PDGFD: variants seen among roughly 807,000 people sequenced by gnomAD.
PDGFD encodes platelet-derived growth factor D.
A neutral mutation model predicts 44.7 loss-of-function variants in PDGFD; 30 were observed. That is an observed-to-expected ratio of 0.67 (90% CI 0.50 to 0.91). The LOEUF is 0.91. Among genes scored for constraint, PDGFD ranks in the 40% least tolerant of loss-of-function variants. The pLI is 0.00. For missense variants in PDGFD, 445 were observed against 457.8 expected (o/e 0.97, Z 0.25); for synonymous variants, 173 against 168.4 (o/e 1.03, Z -0.21).
intron 1 of PDGFD, among the ~76,000 whole-genome samples, chr11:104,010,443 T>C (rs562079928): frequency 6.6e-5 from 10 of 152,278 alleles, no homozygotes; most frequent in African/African-American, 2.4e-4. Flanking sequence ...ATTATATTCA[T>C]AATTATTATT....
At chr11:104,066,090 T>C (rs1860787074) in intron 1 of PDGFD, among the ~76,000 whole-genome samples, 1 of 152,152 alleles carries the variant, frequency 6.6e-6, no homozygotes, top group Non-Finnish European at 1.5e-5. Flanking sequence ...TGTTTATTGT[T>C]GAAACATAAA....
chr11:103,928,792 T>C (rs989619547), intron 5 of PDGFD, among the ~76,000 whole-genome samples: 1 of 152,134 alleles, frequency 6.6e-6, no homozygotes, highest in Non-Finnish European at 1.5e-5. Context: ...AAGGAACCAT[T>C]TTATTGCTGC....
chr11:103,952,190 C>G (rs550283148), intron 3 of PDGFD, among the ~76,000 whole-genome samples: 1 of 152,118 alleles, frequency 6.6e-6, no homozygotes, highest in Non-Finnish European at 1.5e-5. Flanking sequence ...TGTGGGTGCT[C>G]TCAGCAGAAC....
intron 1 of PDGFD, among the ~76,000 whole-genome samples, chr11:104,153,947 G>T (rs1046126332): frequency 1.3e-5 from 2 of 152,064 alleles, no homozygotes; most frequent in African/African-American, 4.8e-5. Context: ...AGTATTTATA[G>T]GGCAGACAGG....
At chr11:103,982,866 G>A (rs115979304) in intron 3 of PDGFD, among the ~76,000 whole-genome samples, 1 of 151,286 alleles carries the variant, frequency 6.6e-6, no homozygotes, top group Admixed American at 6.6e-5. Context: ...AAGTGGGAAG[G>A]TGAAAGATCC....
At chr11:103,935,806 C>T (rs1462368536) in intron 5 of PDGFD, among the ~76,000 whole-genome samples, 1 of 152,080 alleles carries the variant, frequency 6.6e-6, no homozygotes, top group Non-Finnish European at 1.5e-5. Flanking sequence ...AATCCTAACA[C>T]AAATTTGCAA....
At chr11:103,969,474 G>GTTTTTTTT (rs66571550) in intron 3 of PDGFD, among the ~76,000 whole-genome samples, 6 of 89,806 alleles carry the variant, frequency 6.7e-5, no homozygotes, top group Non-Finnish European at 1.0e-4. Flanking sequence ...ACCAAGCCTG[G>GTTTTTTTT]TTTTTTTTTT....
chr11:103,970,556 A>C (rs769954096), intron 3 of PDGFD, among the ~76,000 whole-genome samples: 17 of 152,234 alleles, frequency 1.1e-4, no homozygotes, highest in Middle Eastern at 3.4e-3. Flanking sequence ...GATGTTGACA[A>C]ACTTGAGGGA....
chr11:104,128,351 T>G (rs941369786), intron 1 of PDGFD, among the ~76,000 whole-genome samples: 1 of 152,128 alleles, frequency 6.6e-6, no homozygotes. Flanking sequence ...ACTTTGAAAT[T>G]TGTGCCCAAA....
intron 1 of PDGFD, among the ~76,000 whole-genome samples, chr11:104,155,552 C>A (rs12292834): frequency 4.4e-4 from 67 of 152,304 alleles, no homozygotes; most frequent in African/African-American, 1.6e-3. Context: ...CCCTACTCCT[C>A]TTCTGCTGTG....
intron 5 of PDGFD, among the ~76,000 whole-genome samples, chr11:103,940,788 C>A (rs138744283): frequency 6.6e-6 from 1 of 152,026 alleles, no homozygotes; most frequent in Non-Finnish European, 1.5e-5. Flanking sequence ...TACAAAAATG[C>A]CTTAGGGCCA....
chr11:104,118,920 AATATATTATTATAAT>A (rs1420606162), intron 1 of PDGFD, among the ~76,000 whole-genome samples: 1 of 89,090 alleles, frequency 1.1e-5, no homozygotes, highest in Admixed American at 1.8e-4. Flanking sequence ...TTATATACAT[AATATATTATTATAAT>A]ATATATTATA....
At chr11:103,981,978 C>A (rs1859279002) in intron 3 of PDGFD, among the ~76,000 whole-genome samples, 1 of 151,776 alleles carries the variant, frequency 6.6e-6, no homozygotes, top group African/African-American at 2.4e-5. Context: ...TAAAATGTTG[C>A]AGAGACTGAC....
chr11:104,140,796 CCACA>C (rs112491366), intron 1 of PDGFD, among the ~76,000 whole-genome samples: 19,763 of 152,124 alleles, frequency 0.13, 1,408 homozygotes, highest in East Asian at 0.29. Flanking sequence ...TCCTAGTTAT[CCACA>C]CATTTAGACT....
At chr11:104,103,138 G>A (rs1416272694) in intron 1 of PDGFD, among the ~76,000 whole-genome samples, 4 of 151,996 alleles carry the variant, frequency 2.6e-5, no homozygotes, top group Non-Finnish European at 4.4e-5. Flanking sequence ...CCATTTCTGT[G>A]ACTTAGTTTT....
In PDGFD at chr11:104,099,815, A is replaced by G. The variant is rs1026173084; in HGVS notation, c.124+63989T>C. On this transcript the variant is annotated intron_variant, in intron 1 of 6. Transcript: ENST00000393158. ...AAAAAATGAAACTATTTGCAATTCT[A>G]GTATTTAATATTTATCCAATTGCTA... Among the ~76,000 whole-genome samples the G allele has an allele frequency of 3.3e-5, 5 of 152,172 alleles. No homozygotes were observed. In the South Asian group the frequency reaches 6.2e-4, roughly 19 times the overall value.
chr11:103,922,768 G>A (rs112265963), intron 6 of PDGFD, among the ~76,000 whole-genome samples: 28 of 151,646 alleles, frequency 1.8e-4, no homozygotes, highest in South Asian at 4.2e-4. Flanking sequence ...TTAGAGATGG[G>A]GGGGTCTCGC....
intron 1 of PDGFD, among the ~76,000 whole-genome samples, chr11:104,072,606 T>C (rs980557787): frequency 6.6e-6 from 1 of 151,952 alleles, no homozygotes; most frequent in African/African-American, 2.4e-5. Context: ...TAGTACAATG[T>C]TGAAAGTTAA....
chr11:104,106,904 T>A (rs1861478818), intron 1 of PDGFD, among the ~76,000 whole-genome samples: 1 of 151,930 alleles, frequency 6.6e-6, no homozygotes, highest in Non-Finnish European at 1.5e-5. Context: ...CCACCACGCC[T>A]GGCTAATTTT....
Sources: allele counts gnomAD v4.1 joint callset (sites outside exome capture counted in the v4.1 genomes callset), GRCh38; gene constraint gnomAD v4.1.1; transcripts MANE v1.5; gene names NCBI Gene and HGNC (gene_info 2026-07-23, HGNC 2026-07-21).